Variants in STYXL1 observed in about 807,000 individuals in gnomAD.
The protein encoded by STYXL1 is serine/threonine/tyrosine interacting like 1, also known as serine/threonine/tyrosine-interacting-like protein 1.
STYXL1 carries 32 observed loss-of-function variants against 36.4 expected under a neutral mutation model. The observed-to-expected ratio is 0.88, with a 90% CI of 0.66 to 1.18. STYXL1 has a LOEUF of 1.18. Ranked by LOEUF, STYXL1 falls within the 50% of genes most tolerant of loss-of-function variation. The probability of loss-of-function intolerance (pLI) is 0.00; values close to 1 mark genes in which losing one functional copy is unlikely to be tolerated. For synonymous variants in STYXL1, 133 were observed against 144.1 expected, an observed-to-expected ratio of 0.92 and a Z score of 0.55; for missense variants, 354 against 394.1, an observed-to-expected ratio of 0.90 and a Z score of 0.86.
intron 3 of STYXL1, among the ~76,000 whole-genome samples, chr7:76,027,434 G>C (rs1554578044): frequency 3.3e-5 from 5 of 151,746 alleles, no homozygotes. Context: ...GAAGGTCCAT[G>C]ACAGCCTGGG....
rs535042746 is a variant in STYXL1 at position 76,034,413 on chromosome 7, G to A, written c.-4-3886C>T. Among the ~76,000 whole-genome samples, 11 of 152,170 alleles carry A rather than the reference G, an allele frequency of 7.2e-5. No homozygotes were observed. In the East Asian group the frequency reaches 1.5e-3, roughly 21 times the overall value. On this transcript the variant is annotated intron_variant, in intron 1 of 8. Coordinates refer to ENST00000359697, the MANE Select transcript of STYXL1 (RefSeq NM_001317785.2). ...CTAAGCCATTGGTCACTTCCCTCTG[G>A]GCTCAAACGCCTCAGCCTCTTAGGA...
At chr7:76,046,349 C>CGT (rs1563535641) in intron 1 of STYXL1, among the ~76,000 whole-genome samples, 11 of 72,950 alleles carry the variant, frequency 1.5e-4, no homozygotes, top group Admixed American at 1.1e-3. Context: ...TGCGCGCGCG[C>CGT]GCGCGCGCGC....
chr7:76,020,717 C>T (rs1253709458), intron 4 of STYXL1, among the ~76,000 whole-genome samples: 1 of 152,154 alleles, frequency 6.6e-6, no homozygotes, highest in Non-Finnish European at 1.5e-5. Context: ...TGCCATATCA[C>T]CCAGGCTGGT....
At chr7:76,032,329 G>T (rs1795448817) in intron 1 of STYXL1, among the ~76,000 whole-genome samples, 1 of 151,668 alleles carries the variant, frequency 6.6e-6, no homozygotes, top group African/African-American at 2.4e-5. Flanking sequence ...GAGGCTGGGA[G>T]GTGGGGCTGC....
intron 4 of STYXL1, among the ~76,000 whole-genome samples, chr7:76,015,539 G>A (rs1392151056): frequency 6.6e-6 from 1 of 152,192 alleles, no homozygotes; most frequent in Admixed American, 6.5e-5. Flanking sequence ...GGACACGAAA[G>A]TGCTTCTGCA....
At chr7:76,039,370 C>G (rs1436976774) in intron 1 of STYXL1, among the ~76,000 whole-genome samples, 1 of 152,070 alleles carries the variant, frequency 6.6e-6, no homozygotes, top group African/African-American at 2.4e-5. Context: ...GCCACTGCGC[C>G]CAGCCAAGGG....
At chr7:76,006,836 G>A (rs1791837698) in intron 5 of STYXL1, among the ~76,000 whole-genome samples, 1 of 151,608 alleles carries the variant, frequency 6.6e-6, no homozygotes, top group Admixed American at 6.6e-5. Flanking sequence ...ACACAGACAA[G>A]GATTATCTCT....
chr7:76,005,870 AGAGAGGAGGAGAGAG>A (rs1791649882), intron 5 of STYXL1, among the ~76,000 whole-genome samples: 1 of 28,976 alleles, frequency 3.5e-5, no homozygotes, highest in Non-Finnish European at 9.6e-5. Flanking sequence ...GAGGAGGAAG[AGAGAGGAGGAGAGAG>A]GAGGAGGAGG....
At position 75,996,408 on chromosome 7, in the gene STYXL1, C is replaced by T. The variant is rs1554563956; in HGVS notation, c.*60G>A. The T allele has an allele frequency of 2.5e-6, 4 of 1,613,576 alleles. No homozygotes were observed. In the Admixed American group the frequency reaches 5.0e-5, roughly 20 times the overall value. ...CCTGGGTATACACACTCTGGCCCTCCACCCACAAAATGCCCCCAGGTGAGG... is the reference window on the plus strand; with the variant it reads ...CCTGGGTATACACACTCTGGCCCTCTACCCACAAAATGCCCCCAGGTGAGG... On this transcript the variant is annotated 3_prime_UTR_variant, in exon 9 of 9. Coordinates refer to ENST00000359697, the MANE Select transcript of STYXL1 (RefSeq NM_001317785.2).
At chr7:76,010,277 A>G (rs1158751061) in intron 5 of STYXL1, among the ~76,000 whole-genome samples, 2 of 151,898 alleles carry the variant, frequency 1.3e-5, no homozygotes, top group Non-Finnish European at 2.9e-5. Context: ...TATTTAACTG[A>G]CTGTACACCT....
At chr7:76,013,254 A>C (rs1484525365) in intron 5 of STYXL1, among the ~76,000 whole-genome samples, 1 of 148,420 alleles carries the variant, frequency 6.7e-6, no homozygotes, top group East Asian at 2.1e-4. Flanking sequence ...TGAACCTGGG[A>C]GGCAGAGCTT....
chr7:76,033,571 A>G (rs1208020229), intron 1 of STYXL1, among the ~76,000 whole-genome samples: 1 of 151,950 alleles, frequency 6.6e-6, no homozygotes, highest in Non-Finnish European at 1.5e-5. Context: ...GCTCCACTTC[A>G]GAGTTACCAG....
intron 4 of STYXL1, among the ~76,000 whole-genome samples, chr7:76,020,580 G>A (rs901993907): frequency 6.6e-6 from 1 of 152,170 alleles, no homozygotes; most frequent in Non-Finnish European, 1.5e-5. Context: ...TTGAATCCTG[G>A]CCCCACCACT....
chr7:76,037,360 A>G (rs781823597), intron 1 of STYXL1, among the ~76,000 whole-genome samples: 6 of 150,364 alleles, frequency 4.0e-5, no homozygotes, highest in Admixed American at 6.6e-5. Flanking sequence ...CTGGCCTTCA[A>G]ACCAGGGGTT....
intron 1 of STYXL1, among the ~76,000 whole-genome samples, chr7:76,041,403 C>T (rs1317795380): frequency 6.6e-6 from 1 of 151,916 alleles, no homozygotes; most frequent in Non-Finnish European, 1.5e-5. Context: ...TGGTTTGTCC[C>T]CAGCAAAACT....
intron 3 of STYXL1, among the ~76,000 whole-genome samples, chr7:76,028,142 C>A (rs769225650): frequency 1.3e-5 from 2 of 152,188 alleles, no homozygotes; most frequent in Non-Finnish European, 2.9e-5. Context: ...CCAAGCGATT[C>A]TCATGTCTCA....
At chr7:76,024,725 C>T (rs1015752391) in intron 3 of STYXL1, among the ~76,000 whole-genome samples, 5 of 151,862 alleles carry the variant, frequency 3.3e-5, no homozygotes, top group East Asian at 3.9e-4. Flanking sequence ...CCAAGGCAGG[C>T]GGATCACAAG....
intron 1 of STYXL1, among the ~76,000 whole-genome samples, chr7:76,046,415 TG>T (rs1201063376): frequency 6.6e-6 from 1 of 151,430 alleles, no homozygotes. Flanking sequence ...GGCACAATCT[TG>T]GCTCACAGCA....
rs1412628297 is a variant in STYXL1, at chr7:76,026,033, A to G, written c.165+2609T>C. 1.1e-4 allele frequency among the ~76,000 whole-genome samples: 16 copies of G among 149,752 alleles called. 1 individual carries two copies. Among genetic ancestry groups the G allele is most frequent in the African/African-American group, 3.9e-4 (16 of 40,744 alleles). ...CGGTGAAACCCCGTCTCTACTACGA[A>G]TACAAAAAATTAGCCAGGCATGGTG... On this transcript the variant is annotated intron_variant, in intron 3 of 8. Transcript: ENST00000359697.
Sources: allele counts gnomAD v4.1 joint callset (sites outside exome capture counted in the v4.1 genomes callset), GRCh38; gene constraint gnomAD v4.1.1; transcripts MANE v1.5; gene names NCBI Gene and HGNC (gene_info 2026-07-23, HGNC 2026-07-21).